RFC3: variants seen among roughly 807,000 people sequenced by gnomAD.
The protein encoded by RFC3 is replication factor C subunit 3.
RFC3 carries 41 observed loss-of-function variants against 45.1 expected under a neutral mutation model. That is an observed-to-expected ratio of 0.91 (90% CI 0.71 to 1.18). RFC3 has a LOEUF of 1.18. Ranked by LOEUF, RFC3 falls within the 50% of genes most tolerant of loss-of-function variation. The pLI, the probability that RFC3 is intolerant of heterozygous loss-of-function variation, is 0.00. For synonymous variants in RFC3, 149 were observed against 144.0 expected (o/e 1.03, Z -0.25); for missense variants, 423 against 428.1 (o/e 0.99, Z 0.10).
chr13:33,836,483 A>T lies in RFC3; in HGVS notation c.*188A>T, dbSNP rs1337266637. On this transcript the variant is annotated 3_prime_UTR_variant, in exon 9 of 9. Transcript: ENST00000380071. ...TTGCTCCTATACTATTGAAGTATGT[A>T]GTTTTGTACATAACTTAGAGACTTT... 1.5e-6 allele frequency: 2 copies of T among 1,346,176 alleles called. No individual in the cohort carries two copies. The highest frequency in any genetic ancestry group is 1.9e-6 in the Non-Finnish European group (2 of 1,046,398). 83.4% of individuals were successfully genotyped at this position (1,346,176 alleles called of 1,614,324 possible). A position where few individuals can be genotyped will look rare whatever the true frequency, so the allele number is the denominator to read the frequency against.
rs1247083821 is a variant in RFC3 at position 33,853,078 on chromosome 13, G to A, written c.879+17861G>A. Among the ~76,000 whole-genome samples, 3 of 152,254 alleles carry A rather than the reference G, an allele frequency of 2.0e-5. No homozygotes were observed. The East Asian group carries it at 5.8e-4, about 29-fold the overall frequency. On this transcript the variant is annotated intron_variant, in intron 8 of 8. Coordinates refer to the RFC3 transcript ENST00000434425. ...CACTAGAGGGGCTCTAGGTCTACAT[G>A]GTTAGTACCAAGACCAGCTAGATAA...
intron 8 of RFC3, chr13:33,835,499 C>G (rs1331496830): frequency 1.7e-6 from 1 of 598,912 alleles, no homozygotes; most frequent in Admixed American, 1.9e-5. Context: ...AAGGAAATAC[C>G]AAGGTGCAGG....
downstream of RFC3, among the ~76,000 whole-genome samples, chr13:33,842,269 C>T (rs2082204899): frequency 6.6e-6 from 1 of 150,378 alleles, no homozygotes; most frequent in African/African-American, 2.5e-5. Flanking sequence ...GCTTGGGCCA[C>T]AGAGCAAGAG....
chr13:33,928,799 G>A (rs1028975147), intron 8 of RFC3, among the ~76,000 whole-genome samples: 1 of 151,146 alleles, frequency 6.6e-6, no homozygotes, highest in Non-Finnish European at 1.5e-5. Context: ...GTCTGTTACA[G>A]CAAATACTGC....
intron 8 of RFC3, among the ~76,000 whole-genome samples, chr13:33,965,329 T>C (rs1033505401): frequency 3.3e-5 from 5 of 152,196 alleles, no homozygotes; most frequent in African/African-American, 1.2e-4. Flanking sequence ...TCTAATACTG[T>C]ATTTTTATTG....
intron 8 of RFC3, among the ~76,000 whole-genome samples, chr13:33,866,074 A>G (rs1367244991): frequency 6.6e-6 from 1 of 152,100 alleles, no homozygotes; most frequent in Non-Finnish European, 1.5e-5. Context: ...AAACAAAACA[A>G]AATGAAACTC....
intron 7 of RFC3, among the ~76,000 whole-genome samples, chr13:33,833,598 T>C (rs1406175300): frequency 6.6e-6 from 1 of 152,168 alleles, no homozygotes; most frequent in African/African-American, 2.4e-5. Context: ...ACAAGATGCA[T>C]GTTAACATGT....
chr13:33,951,476 T>C, intron 8 of RFC3, among the ~76,000 whole-genome samples: 1 of 152,100 alleles, frequency 6.6e-6, no homozygotes, highest in Non-Finnish European at 1.5e-5. Flanking sequence ...CATGATCCGC[T>C]GGCCTTGGCC....
chr13:33,917,386 C>T (rs1234425200), intron 8 of RFC3, among the ~76,000 whole-genome samples: 1 of 152,130 alleles, frequency 6.6e-6, no homozygotes, highest in Non-Finnish European at 1.5e-5. Context: ...ATTTTAGGAC[C>T]TGGAATCTCA....
At chr13:33,901,810 A>G (rs754602883) in intron 8 of RFC3, among the ~76,000 whole-genome samples, 1 of 152,102 alleles carries the variant, frequency 6.6e-6, no homozygotes, top group Non-Finnish European at 1.5e-5. Flanking sequence ...GTATTAATAT[A>G]TCTTTTATGC....
intron 8 of RFC3, among the ~76,000 whole-genome samples, chr13:33,883,832 G>A (rs2082502019): frequency 6.6e-6 from 1 of 152,072 alleles, no homozygotes; most frequent in Non-Finnish European, 1.5e-5. Context: ...AACACTAATG[G>A]GTACTAGGCT....
chr13:33,829,745 A>G (rs1011843061), intron 4 of RFC3, 91 bp from the exon 5 acceptor site: 4 of 998,668 alleles, frequency 4.0e-6, no homozygotes, highest in Non-Finnish European at 6.4e-6. Flanking sequence ...ATTATTTAGG[A>G]TTTCATCCTG....
intron 8 of RFC3, among the ~76,000 whole-genome samples, chr13:33,863,931 C>T (rs1174289214): frequency 1.3e-5 from 2 of 152,128 alleles, no homozygotes. Flanking sequence ...AGTCCATTTG[C>T]ACTGCTATAA....
At chr13:33,947,185 G>C (rs949004299) in intron 8 of RFC3, among the ~76,000 whole-genome samples, 1 of 152,126 alleles carries the variant, frequency 6.6e-6, no homozygotes, top group Non-Finnish European at 1.5e-5. Context: ...ATGTGTCAAG[G>C]GTAGGACCAG....
intron 8 of RFC3, among the ~76,000 whole-genome samples, chr13:33,910,826 A>T (rs2082699719): frequency 6.6e-6 from 1 of 152,034 alleles, no homozygotes; most frequent in Non-Finnish European, 1.5e-5. Flanking sequence ...GCTTCTGGGG[A>T]GGCCTCAGGA....
chr13:33,914,457 G>A lies in RFC3; in HGVS notation c.880-51630G>A, dbSNP rs141381995. On this transcript the variant is annotated intron_variant, in intron 8 of 8. Transcript: ENST00000434425. ...AACTACCAGAAAAATGTAGAAGTGG[G>A]CACCCTGTGTACACACATGGCTGAT... 3.3e-3 allele frequency among the ~76,000 whole-genome samples: 502 copies of A among 152,170 alleles called. 3 individuals are homozygous for A. Among genetic ancestry groups the A allele is most frequent in the Non-Finnish European group, 3.8e-3 (257 of 67,996 alleles).
intron 8 of RFC3, among the ~76,000 whole-genome samples, chr13:33,896,501 A>G (rs2082599487): frequency 6.6e-6 from 1 of 151,860 alleles, no homozygotes; most frequent in African/African-American, 2.4e-5. Context: ...AGAAGGGTGG[A>G]TCACTTGAAG....
At chr13:33,827,928 A>C (rs1051097927) in intron 4 of RFC3, among the ~76,000 whole-genome samples, 4 of 152,078 alleles carry the variant, frequency 2.6e-5, no homozygotes, top group African/African-American at 9.7e-5. Flanking sequence ...TTACAAAGTG[A>C]TAAAAAATAT....
chr13:33,957,809 G>T (rs1487960180), intron 8 of RFC3, among the ~76,000 whole-genome samples: 1 of 152,090 alleles, frequency 6.6e-6, no homozygotes, highest in Non-Finnish European at 1.5e-5. Flanking sequence ...TCAAAGCCTG[G>T]AGTCTTTCTC....
Sources: allele counts gnomAD v4.1 joint callset (sites outside exome capture counted in the v4.1 genomes callset), GRCh38; gene constraint gnomAD v4.1.1; transcripts MANE v1.5; gene names NCBI Gene and HGNC (gene_info 2026-07-23, HGNC 2026-07-21).